Variants in GALNT13 observed in about 807,000 individuals in gnomAD.
The protein encoded by GALNT13 is UDP-GalNAc:polypeptide N-acetylgalactosaminyltransferase 13.
GALNT13 carries 28 observed loss-of-function variants against 64.2 expected under a neutral mutation model. The observed-to-expected ratio is 0.44, with a 90% CI of 0.32 to 0.60. The LOEUF is 0.60. Among genes scored for constraint, GALNT13 ranks in the 20% least tolerant of loss-of-function variants. The probability of loss-of-function intolerance (pLI) is 0.05; values close to 1 mark genes in which losing one functional copy is unlikely to be tolerated. For missense variants in GALNT13, 577 were observed against 669.8 expected (o/e 0.86, Z 1.53); for synonymous variants, 214 against 224.6 (o/e 0.95, Z 0.42).
the GALNT13 span, among the ~76,000 whole-genome samples, chr2:153,416,136 T>C: frequency 1.3e-5 from 2 of 152,210 alleles, no homozygotes; most frequent in African/African-American, 4.8e-5. Flanking sequence ...TTCATAATCA[T>C]TTATTTTTTT....
the GALNT13 span, among the ~76,000 whole-genome samples, chr2:153,209,213 C>T: frequency 1.3e-5 from 2 of 151,996 alleles, no homozygotes; most frequent in African/African-American, 4.8e-5. Flanking sequence ...ATTTCCTGAC[C>T]TCAAGATCCA....
chr2:154,249,975 A>G (rs1689984400), intron 7 of GALNT13, among the ~76,000 whole-genome samples: 1 of 152,102 alleles, frequency 6.6e-6, no homozygotes, highest in Non-Finnish European at 1.5e-5. Context: ...GAATGTTCAC[A>G]TATATTATCT....
At chr2:153,877,994 T>A (rs1405176052) in intron 1 of GALNT13, among the ~76,000 whole-genome samples, 1 of 152,190 alleles carries the variant, frequency 6.6e-6, no homozygotes, top group Non-Finnish European at 1.5e-5. Context: ...TGTGTGAGCA[T>A]CAAGGATGAC....
At chr2:153,484,521 C>T in the GALNT13 span, among the ~76,000 whole-genome samples, 1 of 152,202 alleles carries the variant, frequency 6.6e-6, no homozygotes, top group East Asian at 1.9e-4. Flanking sequence ...TTACAGAAAG[C>T]AAAAAGCAAC....
At chr2:153,922,817 C>G (rs1375563846) in intron 2 of GALNT13, among the ~76,000 whole-genome samples, 1 of 151,932 alleles carries the variant, frequency 6.6e-6, no homozygotes, top group East Asian at 1.9e-4. Flanking sequence ...TTTAGAAACT[C>G]AGAGATATAT....
the GALNT13 span, among the ~76,000 whole-genome samples, chr2:153,317,794 A>G: frequency 3.3e-3 from 509 of 152,326 alleles, 2 homozygotes; most frequent in African/African-American, 0.011. Context: ...ACAAAATATC[A>G]GAATATAAAA....
intron 1 of GALNT13, among the ~76,000 whole-genome samples, chr2:153,888,384 A>C (rs1163562422): frequency 6.6e-6 from 1 of 152,022 alleles, no homozygotes; most frequent in Non-Finnish European, 1.5e-5. Context: ...TTGTGAGCTT[A>C]TTATATGAGG....
chr2:153,263,519 G>A, the GALNT13 span, among the ~76,000 whole-genome samples: 1 of 152,156 alleles, frequency 6.6e-6, no homozygotes, highest in South Asian at 2.1e-4. Context: ...AACAAAGCTA[G>A]AGGCATCATG....
the GALNT13 span, among the ~76,000 whole-genome samples, chr2:153,524,647 G>A: frequency 6.6e-6 from 1 of 152,134 alleles, no homozygotes. Flanking sequence ...CAGTGGAAAC[G>A]AAAGCCAGAT....
intron 11 of GALNT13, among the ~76,000 whole-genome samples, chr2:154,412,680 A>G (rs1266976765): frequency 6.6e-6 from 1 of 151,772 alleles, no homozygotes; most frequent in Non-Finnish European, 1.5e-5. Context: ...TGTTAGAAAT[A>G]ATTTTCTTAA....
At chr2:153,592,789 C>A in the GALNT13 span, 4 of 152,276 alleles carry the variant, frequency 2.6e-5, no homozygotes, top group Non-Finnish European at 1.5e-5. Context: ...AAGGGAGACC[C>A]TCCTCTCCGG....
At chr2:153,207,903 A>G in the GALNT13 span, among the ~76,000 whole-genome samples, 12 of 152,276 alleles carry the variant, frequency 7.9e-5, no homozygotes, top group African/African-American at 2.9e-4. Flanking sequence ...CAGAAGAGAC[A>G]ACCTTTTCTT....
At chr2:154,043,075 A>G (rs1368400932) in intron 3 of GALNT13, among the ~76,000 whole-genome samples, 9 of 152,074 alleles carry the variant, frequency 5.9e-5, no homozygotes. Flanking sequence ...AGTAAAAGCA[A>G]TGAGAACATC....
At chr2:153,787,902 A>C in the GALNT13 span, among the ~76,000 whole-genome samples, 2 of 152,212 alleles carry the variant, frequency 1.3e-5, no homozygotes, top group African/African-American at 4.8e-5. Flanking sequence ...AAAGAACAGA[A>C]GGGAACAAGC....
chr2:153,222,307 T>TGGGGGCGGGGGGC, the GALNT13 span, among the ~76,000 whole-genome samples: 2 of 6,326 alleles, frequency 3.2e-4, no homozygotes, highest in Non-Finnish European at 1.2e-3. Flanking sequence ...TGAGTCTGGC[T>TGGGGGCGGGGGGC]GGGGGGGGGG....
At chr2:153,834,597 T>C in the GALNT13 span, among the ~76,000 whole-genome samples, 2 of 152,132 alleles carry the variant, frequency 1.3e-5, no homozygotes, top group Admixed American at 1.3e-4. Flanking sequence ...TTATAAATAT[T>C]GGGAGTTAAT....
At chr2:154,016,120 T>C (rs1696987390) in intron 3 of GALNT13, among the ~76,000 whole-genome samples, 1 of 152,196 alleles carries the variant, frequency 6.6e-6, no homozygotes. Flanking sequence ...TTTAGAAACA[T>C]GACCCCTTGA....
Position 154,405,787 on chromosome 2 carries a change from A to G in GALNT13, c.1297-3197A>G, listed in dbSNP as rs575809778. On this transcript the variant is annotated intron_variant, in intron 10 of 12. Coordinates refer to ENST00000392825, the MANE Select transcript of GALNT13 (RefSeq NM_052917.4). Reference sequence around the variant, plus strand: ...AATTGCAACGATATTGTGAAAAGGAACACTACATCCCTGCGAGAGTGATCC... The same window carrying G: ...AATTGCAACGATATTGTGAAAAGGAGCACTACATCCCTGCGAGAGTGATCC... Among the ~76,000 whole-genome samples the G allele has an allele frequency of 2.0e-5, 3 of 152,222 alleles. No homozygotes were observed. The East Asian group carries it at 5.8e-4, about 29-fold the overall frequency.
At chr2:153,732,480 T>A in the GALNT13 span, among the ~76,000 whole-genome samples, 1 of 152,020 alleles carries the variant, frequency 6.6e-6, no homozygotes, top group Non-Finnish European at 1.5e-5. Context: ...GGCATGGATT[T>A]AATTTTTGGA....
Sources: allele counts gnomAD v4.1 joint callset (sites outside exome capture counted in the v4.1 genomes callset), GRCh38; gene constraint gnomAD v4.1.1; transcripts MANE v1.5; gene names NCBI Gene and HGNC (gene_info 2026-07-23, HGNC 2026-07-21).